TRPV1: variants seen among roughly 807,000 people sequenced by gnomAD.
TRPV1 encodes transient receptor potential cation channel subfamily V member 1.
Under a neutral mutation model 82.3 loss-of-function variants are expected in TRPV1, and 82 were observed. The ratio of observed to expected loss-of-function variants is 1.00; its 90% CI spans 0.83 to 1.20. The LOEUF (loss-of-function observed/expected upper bound fraction) is 1.20, where lower values mean the gene tolerates loss of function less well. Ranked by LOEUF, TRPV1 falls within the 50% of genes most tolerant of loss-of-function variation. TRPV1 has a pLI of 0.00. For missense variants in TRPV1, 1,067 were observed against 1,096.8 expected (o/e 0.97, Z 0.38); for synonymous variants, 515 against 467.7 (o/e 1.10, Z -1.30).
chr17:3,569,824 G>GC (rs2074822920), intron 16 of TRPV1, among the ~76,000 whole-genome samples: 3 of 152,104 alleles, frequency 2.0e-5, no homozygotes, highest in African/African-American at 4.8e-5. Context: ...GGCCTCTGAG[G>GC]CCCCCAGTAC....
intron 3 of TRPV1, 106 bp downstream of exon 3, chr17:3,591,961 A>G: frequency 6.9e-7 from 1 of 1,455,902 alleles, no homozygotes; most frequent in African/African-American, 1.4e-5. Flanking sequence ...AAGGCTCTCC[A>G]GCCCCCTGGC....
At chr17:3,567,134 G>C (rs1020152659) in intron 16 of TRPV1, 147 bp from the exon 17 acceptor site, 4 of 795,590 alleles carry the variant, frequency 5.0e-6, no homozygotes, top group South Asian at 3.8e-5. Flanking sequence ...GAGGCAGGTG[G>C]ATCACCTGAG....
Position 3,565,604 on chromosome 17 carries a change from A to C in TRPV1, c.*1211T>G, listed in dbSNP as rs2074750256. On this transcript the variant is annotated 3_prime_UTR_variant, in exon 17 of 17. Transcript: ENST00000572705. ...ATGTGGTTCTGTAGTTTTAACCTGC[A>C]CAGCAATTGAGCTGATCTTCTGGAG... 1 of 152,224 alleles carries C rather than the reference A, an allele frequency of 6.6e-6. No homozygotes were observed. 9.4% of individuals were successfully genotyped at this position (152,224 alleles called of 1,614,324 possible).
Position 3,591,291 on chromosome 17 carries a change from C to T in TRPV1, c.347G>A (p.Arg116Lys). ...TEKTLRLYDR[R>K]SIFEAVAQNN... ...CTGAGCAACGGCTTCAAAGATACTC[C>T]TGCGATCATAGAGCCTGAGGGTCTT... The change falls in exon 4 of 17, where the codon AGG becomes AAG. Residue 116 changes from arginine (R) to lysine (K), a missense_variant. Physicochemically the swap from Arg to Lys is conservative, Grantham distance 26. Transcript: ENST00000572705. 1 of 1,612,922 alleles carries T rather than the reference C, an allele frequency of 6.2e-7. No individual in the cohort carries two copies. The highest frequency in any genetic ancestry group is 8.5e-7 in the Non-Finnish European group (1 of 1,179,670).
intron 11 of TRPV1, among the ~76,000 whole-genome samples, chr17:3,579,112 C>G (rs750033797): frequency 6.6e-6 from 1 of 152,066 alleles, no homozygotes; most frequent in Admixed American, 6.6e-5. Flanking sequence ...CATTAGACCC[C>G]CAGACCTCAG....
At chr17:3,598,483 C>A (rs903317409) in intron 2 of TRPV1, among the ~76,000 whole-genome samples, 1 of 151,972 alleles carries the variant, frequency 6.6e-6, no homozygotes, top group African/African-American at 2.4e-5. Context: ...TAGATAATTG[C>A]CCAGGCCGCA....
intron 2 of TRPV1, among the ~76,000 whole-genome samples, chr17:3,600,900 G>A (rs1373514865): frequency 6.6e-6 from 1 of 152,024 alleles, no homozygotes; most frequent in African/African-American, 2.4e-5. Flanking sequence ...CCTTCGCCTG[G>A]CCCCTCCCAA....
chr17:3,588,820 A>AC (rs2075116008), intron 7 of TRPV1: 3 of 1,299,028 alleles, frequency 2.3e-6, no homozygotes, highest in Non-Finnish European at 3.1e-6. Flanking sequence ...ATCTAAAAAA[A>AC]AAAAAAAAAA....
chr17:3,568,696 G>A (rs558641015), intron 16 of TRPV1, among the ~76,000 whole-genome samples: 4 of 152,052 alleles, frequency 2.6e-5, no homozygotes, highest in Non-Finnish European at 4.4e-5. Flanking sequence ...AGTGAAAAAC[G>A]GCAGTCCCTC....
chr17:3,580,331 G>T, intron 11 of TRPV1, 126 bp downstream of exon 11: 1 of 960,432 alleles, frequency 1.0e-6, no homozygotes, highest in Non-Finnish European at 1.7e-6. Flanking sequence ...AGTGCCTTCC[G>T]TCATTCCCTC....
chr17:3,575,144 A>G lies in TRPV1; in HGVS notation c.1781-1189T>C, dbSNP rs112409208. 9.8e-5 allele frequency among the ~76,000 whole-genome samples: 15 copies of G among 152,320 alleles called. 1 individual carries two copies. In the South Asian group the frequency reaches 2.5e-3, roughly 25 times the overall value. ...AATGGGGAATGGTTAGCTCTTCTCT[A>G]TAACAGAATGCCAGGTAATAAATGC... is the stretch of plus-strand genomic sequence containing the variant. On this transcript the variant is annotated intron_variant, in intron 13 of 16. Coordinates refer to ENST00000572705, the MANE Select transcript of TRPV1 (RefSeq NM_080704.4).
rs771765536 is a variant in TRPV1 at position 3,583,418 on chromosome 17, T to C, written c.1396A>G (p.Met466Val). The C allele has an allele frequency of 3.1e-6, 5 of 1,603,482 alleles. No individual in the cohort carries two copies. The East Asian group carries it at 1.1e-4, about 36-fold the overall frequency. Residue 466 changes from methionine to valine, a missense_variant, in exon 10 of 17, where the codon ATG becomes GTG. By Grantham distance (21) the Met-to-Val change is conservative. Transcript: ENST00000572705. ...RPVDGLPPFKMEKTGDYFRVT... is the reference protein window; with the variant it reads ...RPVDGLPPFKVEKTGDYFRVT... ...CGGAAATAGTCTCCAGTTTTTTCCA[T>C]CTTAAAGGGAGGCTGTGAGATGCAG...
chr17:3,581,737 T>C (rs2075014669), intron 10 of TRPV1, among the ~76,000 whole-genome samples: 2 of 144,488 alleles, frequency 1.4e-5, no homozygotes, highest in Non-Finnish European at 3.0e-5. Context: ...ATACAAAAAT[T>C]AGCCGGGCGC....
intron 2 of TRPV1, among the ~76,000 whole-genome samples, chr17:3,594,127 CA>C (rs57620622): frequency 0.14 from 6,545 of 46,472 alleles, 188 homozygotes; most frequent in South Asian, 0.19. Context: ...AACTCTGTCT[CA>C]AAAAAAAAAA....
At chr17:3,603,328 C>T (rs1363199762) in intron 2 of TRPV1, among the ~76,000 whole-genome samples, 1 of 152,012 alleles carries the variant, frequency 6.6e-6, no homozygotes, top group Non-Finnish European at 1.5e-5. Flanking sequence ...CAGCACAGAA[C>T]GCTGGAGCCC....
At position 3,566,566 on chromosome 17, in the gene TRPV1, T is replaced by C; in HGVS notation, c.*249A>G. Reference sequence around the variant, plus strand: ...GTAGAGACTGACCATCCAAACTGTTTAGTAAAGTGAGTAAAAACCTGAAAG... The same window carrying C: ...GTAGAGACTGACCATCCAAACTGTTCAGTAAAGTGAGTAAAAACCTGAAAG... On this transcript the variant is annotated 3_prime_UTR_variant, in exon 17 of 17. Coordinates refer to ENST00000572705, the MANE Select transcript of TRPV1 (RefSeq NM_080704.4). 2.3e-6 allele frequency: 1 copy of C among 442,082 alleles called. No homozygotes were observed. Among genetic ancestry groups the C allele is most frequent in the Non-Finnish European group, 4.0e-6 (1 of 248,928 alleles). 27.4% of individuals were successfully genotyped at this position (442,082 alleles called of 1,614,324 possible).
Position 3,585,603 on chromosome 17 carries a change from C to T in TRPV1, c.1383+165G>A, listed in dbSNP as rs58544722. On this transcript the variant is annotated intron_variant, in intron 9 of 16. Coordinates refer to ENST00000572705, the MANE Select transcript of TRPV1 (RefSeq NM_080704.4). ...TACAGCCTGAGGCAGGGGAGATGGG[C>T]GCAGGGATACGAGGTTCTCCACGTT... The T allele has an allele frequency of 5.4e-4, 435 of 808,272 alleles. 3 individuals are homozygous for T. In the African/African-American group the frequency reaches 6.6e-3, roughly 12 times the overall value. 50.1% of individuals were successfully genotyped at this position (808,272 alleles called of 1,614,324 possible). A position where few individuals can be genotyped will look rare whatever the true frequency, so the allele number is the denominator to read the frequency against.
intron 11 of TRPV1, 26 bp from the exon 12 acceptor site, chr17:3,577,789 C>T (rs201041191): frequency 7.4e-5 from 116 of 1,573,830 alleles, no homozygotes; most frequent in Non-Finnish European, 8.7e-5. Context: ...CAGAAAGCTC[C>T]GTCTACGGGA....
At chr17:3,589,209 CT>C (rs11400955) in intron 7 of TRPV1, among the ~76,000 whole-genome samples, 26 of 137,596 alleles carry the variant, frequency 1.9e-4, no homozygotes, top group Admixed American at 4.5e-4. Context: ...TTTCTTTTTC[CT>C]TTTTTTTTTT....
Sources: gnomAD v4.1 joint callset for allele counts (sites outside exome capture counted in the v4.1 genomes callset) on GRCh38, gnomAD v4.1.1 for gene constraint, MANE v1.5 for transcripts, NCBI Gene and HGNC (gene_info 2026-07-23, HGNC 2026-07-21) for gene names.